GALNT18: variants seen among roughly 807,000 people sequenced by gnomAD.
GALNT18 encodes the protein GalNAc-transferase 18.
A neutral mutation model predicts 69.5 loss-of-function variants in GALNT18; 44 were observed. The observed-to-expected ratio is 0.63, with a 90% CI of 0.50 to 0.81. The LOEUF is 0.81. Ranked by LOEUF, GALNT18 falls within the 40% of genes least tolerant of loss-of-function variation. The pLI, the probability that GALNT18 is intolerant of heterozygous loss-of-function variation, is 0.00. For synonymous variants in GALNT18, 364 were observed against 318.2 expected, an observed-to-expected ratio of 1.14 and a Z score of -1.53; for missense variants, 715 against 810.0, an observed-to-expected ratio of 0.88 and a Z score of 1.42.
intron 1 of GALNT18, among the ~76,000 whole-genome samples, chr11:11,529,114 C>T (rs1857584578): frequency 6.6e-6 from 1 of 152,186 alleles, no homozygotes; most frequent in African/African-American, 2.4e-5. Flanking sequence ...CTACTAGTGC[C>T]TTCCCTGTGT....
intron 6 of GALNT18, among the ~76,000 whole-genome samples, chr11:11,348,468 A>G (rs1850342703): frequency 6.6e-6 from 1 of 152,004 alleles, no homozygotes; most frequent in Non-Finnish European, 1.5e-5. Flanking sequence ...AGTCAGGTTC[A>G]GGGCGTGCAA....
chr11:11,386,714 C>T (rs77960956), intron 3 of GALNT18, among the ~76,000 whole-genome samples: 1,996 of 152,202 alleles, frequency 0.013, 37 homozygotes, highest in African/African-American at 0.045. Flanking sequence ...GATATAGCTC[C>T]TATTATTATC....
Position 11,536,380 on chromosome 11 carries a change from G to C in GALNT18, c.235+84979C>G, listed in dbSNP as rs543846183. Among the ~76,000 whole-genome samples, 137 of 152,240 alleles carry C rather than the reference G, an allele frequency of 9.0e-4. 1 individual carries two copies. The highest frequency in any genetic ancestry group is 1.2e-4 in the Non-Finnish European group (8 of 68,018). On this transcript the variant is annotated intron_variant, in intron 1 of 10. Coordinates refer to ENST00000227756, the MANE Select transcript of GALNT18 (RefSeq NM_198516.3). The stretch of plus-strand genomic sequence containing the variant: ...GGTCCAGGGCCAGGCTGTTCAACTA[G>C]GTCTGTCTGCTCTAAAGCCCCAGTG...
At chr11:11,351,761 CTTTT>C (rs58753775) in intron 6 of GALNT18, among the ~76,000 whole-genome samples, 4 of 148,944 alleles carry the variant, frequency 2.7e-5, no homozygotes, top group East Asian at 2.0e-4. Flanking sequence ...GAGCAATTTT[CTTTT>C]TTTTTTTTTT....
chr11:11,483,770 T>G (rs898417401), intron 1 of GALNT18, among the ~76,000 whole-genome samples: 2 of 152,144 alleles, frequency 1.3e-5, no homozygotes, highest in African/African-American at 4.8e-5. Flanking sequence ...GGGCAGGTGA[T>G]GGGGGCTGTG....
chr11:11,288,593 CAATA>C (rs1231677549), intron 10 of GALNT18, among the ~76,000 whole-genome samples: 1 of 152,168 alleles, frequency 6.6e-6, no homozygotes, highest in Non-Finnish European at 1.5e-5. Flanking sequence ...CCCCCATGCT[CAATA>C]AATGTTTGAT....
At chr11:11,567,779 C>T in intron 1 of GALNT18, among the ~76,000 whole-genome samples, 1 of 152,164 alleles carries the variant, frequency 6.6e-6, no homozygotes, top group East Asian at 1.9e-4. Context: ...ACTTAGGATC[C>T]AGAATTCTTA....
chr11:11,430,415 G>C lies in GALNT18; in HGVS notation c.595+2206C>G, dbSNP rs1855239484. 6.6e-6 allele frequency among the ~76,000 whole-genome samples: 1 copy of C among 152,202 alleles called. No individual in the cohort carries two copies. The highest frequency in any genetic ancestry group is 1.5e-5 in the Non-Finnish European group (1 of 68,048). ...GTTCGGATCTCTCCTTACATAGGCA[G>C]GCACTGGTTTGGGTGTGCATATACA... On this transcript the variant is annotated intron_variant, in intron 3 of 10. Transcript: ENST00000227756. This position sits in a 1 kb window ranked among gnomAD's most constrained non-coding sequence, Gnocchi z 4.9.
Position 11,533,804 on chromosome 11 carries a change from C to T in GALNT18, c.236-84868G>A, listed in dbSNP as rs188964486. ...CTGGTATTTTCTCCCAGTGCCATTC[C>T]GAGTAGATGCCTCGTTTCTCTGCCT... On this transcript the variant is annotated intron_variant, in intron 1 of 10. Coordinates refer to ENST00000227756, the MANE Select transcript of GALNT18 (RefSeq NM_198516.3). Among the ~76,000 whole-genome samples, 32 of 152,324 alleles carry T rather than the reference C, an allele frequency of 2.1e-4. No individual in the cohort carries two copies. In the East Asian group the frequency reaches 4.6e-3, roughly 22 times the overall value.
At position 11,327,079 on chromosome 11, in the gene GALNT18, G is replaced by A; in HGVS notation, c.1512+7C>T. On this transcript the variant is annotated splice_region_variant and intron_variant, in intron 9 of 10. Coordinates refer to ENST00000227756, the MANE Select transcript of GALNT18 (RefSeq NM_198516.3). The stretch of plus-strand genomic sequence containing the variant: ...CTCCTGGCACAGGAATCTCTTAGAG[G>A]ACTCACCTGAGGCGTCATCCCATGG... The A allele has an allele frequency of 6.2e-7, 1 of 1,601,804 alleles. No homozygotes were observed. The highest frequency in any genetic ancestry group is 8.6e-7 in the Non-Finnish European group (1 of 1,168,744).
chr11:11,558,226 G>T (rs1023438775), intron 1 of GALNT18, among the ~76,000 whole-genome samples: 1 of 152,132 alleles, frequency 6.6e-6, no homozygotes, highest in South Asian at 2.1e-4. Flanking sequence ...TATGATCAAG[G>T]TGTACTCTTA....
At chr11:11,513,644 A>G (rs993152167) in intron 1 of GALNT18, among the ~76,000 whole-genome samples, 18 of 152,298 alleles carry the variant, frequency 1.2e-4, no homozygotes, top group African/African-American at 4.1e-4. Context: ...CAAGTAATCC[A>G]ATCTGTTTTG....
At position 11,359,550 on chromosome 11, in the gene GALNT18, G is replaced by A. The variant is rs117305552; in HGVS notation, c.1092+12965C>T. Among the ~76,000 whole-genome samples the A allele has an allele frequency of 1.1e-4, 17 of 152,086 alleles. No homozygotes were observed. In the East Asian group the frequency reaches 2.9e-3, roughly 26 times the overall value. On this transcript the variant is annotated intron_variant, in intron 6 of 10. Coordinates refer to ENST00000227756, the MANE Select transcript of GALNT18 (RefSeq NM_198516.3). ...GTAATCCCCCATCTGTCTCCTTCCT[G>A]ACTCTGTGGACTCTGGCTCAGCCCT... is the stretch of plus-strand genomic sequence containing the variant.
intron 1 of GALNT18, among the ~76,000 whole-genome samples, chr11:11,544,397 A>G (rs1426314019): frequency 6.6e-6 from 1 of 152,208 alleles, no homozygotes; most frequent in Admixed American, 6.5e-5. Context: ...TCACTATGCT[A>G]AGCATTTTGG....
In GALNT18 at chr11:11,563,507, G is replaced by C. The variant is rs1346154329; in HGVS notation, c.235+57852C>G. Reference sequence around the variant, plus strand: ...AGTTTGAACACTTAAGCTGAAAAAGGATTTAAATGCTCACATTTAACTGAC... The same window carrying C: ...AGTTTGAACACTTAAGCTGAAAAAGCATTTAAATGCTCACATTTAACTGAC... On this transcript the variant is annotated intron_variant, in intron 1 of 10. Transcript: ENST00000227756. This position sits in a 1 kb window ranked among gnomAD's most constrained non-coding sequence, Gnocchi z 4.6. 6.6e-6 allele frequency among the ~76,000 whole-genome samples: 1 copy of C among 152,178 alleles called. No individual in the cohort carries two copies. Among genetic ancestry groups the C allele is most frequent in the Non-Finnish European group, 1.5e-5 (1 of 68,038 alleles).
chr11:11,353,932 C>CT lies in GALNT18; in HGVS notation c.1093-12929dup, dbSNP rs562984895. On this transcript the variant is annotated intron_variant, in intron 6 of 10. Coordinates refer to ENST00000227756, the MANE Select transcript of GALNT18 (RefSeq NM_198516.3). Reference sequence around the variant, plus strand: ...CAGACATCAGAGGAATGTCTGGTGTCTATGTGTCTGGCTCAAGCATCATCC... The same window carrying CT: ...CAGACATCAGAGGAATGTCTGGTGTCTTATGTGTCTGGCTCAAGCATCATCC... Among the ~76,000 whole-genome samples, 511 of 152,282 alleles carry CT rather than the reference C, an allele frequency of 3.4e-3. 1 individual carries two copies. Among genetic ancestry groups the CT allele is most frequent in the Middle Eastern group, 6.8e-3 (2 of 294 alleles).
chr11:11,589,626 C>T (rs1324302016), intron 1 of GALNT18, among the ~76,000 whole-genome samples: 2 of 151,846 alleles, frequency 1.3e-5, no homozygotes, highest in Non-Finnish European at 2.9e-5. Context: ...ATTTGTACAA[C>T]AAGACTCACA....
chr11:11,401,101 C>G (rs1246391041), intron 3 of GALNT18, among the ~76,000 whole-genome samples: 1 of 152,088 alleles, frequency 6.6e-6, no homozygotes, highest in African/African-American at 2.4e-5. Context: ...ACACAAAACA[C>G]CAGGCTAGAG....
At chr11:11,282,401 A>G (rs1269876368) in intron 10 of GALNT18, among the ~76,000 whole-genome samples, 1 of 152,220 alleles carries the variant, frequency 6.6e-6, no homozygotes, top group Admixed American at 6.5e-5. Flanking sequence ...GCCCAATTCC[A>G]GGTCTTCCTG....
Sources: gnomAD v4.1 joint callset for allele counts (sites outside exome capture counted in the v4.1 genomes callset) on GRCh38, gnomAD v4.1.1 for gene constraint, Gnocchi (gnomAD v3.1) non-coding constraint, MANE v1.5 for transcripts, NCBI Gene and HGNC (gene_info 2026-07-23, HGNC 2026-07-21) for gene names.